Variants in MCF2 observed in about 807,000 individuals in gnomAD.
MCF2 encodes the protein MCF.2 cell line derived transforming sequence, also known as proto-oncogene DBL.
MCF2 carries 44 observed loss-of-function variants against 82.5 expected under a neutral mutation model. The observed-to-expected ratio is 0.53, with a 90% CI of 0.42 to 0.69. The LOEUF (loss-of-function observed/expected upper bound fraction) is 0.69. MCF2 is among the 30% of genes least tolerant of loss of function. The pLI is 0.00. For synonymous variants in MCF2, 217 were observed against 224.9 expected (o/e 0.96, Z 0.32); for missense variants, 623 against 663.1 (o/e 0.94, Z 0.66).
At chrX:139,645,612 A>G (rs373459275), upstream of MCF2, 11 of 1,202,788 alleles carry the variant, frequency 9.1e-6, no homozygotes, top group East Asian at 3.0e-4. Flanking sequence ...CATGTATCCA[A>G]TCTTCGATCC....
intron 17 of MCF2, 24 bp from the exon 22 acceptor site, chrX:139,597,609 A>G: frequency 9.1e-7 from 1 of 1,104,301 alleles, no homozygotes; most frequent in Non-Finnish European, 1.2e-6. Context: ...TCAGGAATTA[A>G]TATTAGGCAG....
At chrX:139,602,613 C>T (rs886703013) in intron 15 of MCF2, 115 bp from the exon 20 acceptor site, 13 of 491,010 alleles carry the variant, frequency 2.6e-5, no homozygotes, top group African/African-American at 1.7e-4. Context: ...CCTAAAGGGC[C>T]TACTGTACTA....
intron 1 of MCF2, among the ~76,000 whole-genome samples, chrX:139,688,230 A>G (rs1458663198): frequency 8.9e-6 from 1 of 111,972 alleles, no homozygotes; most frequent in Non-Finnish European, 1.9e-5. Flanking sequence ...AATACAGCAC[A>G]TTGAAAGAAC....
At chrX:139,651,888 G>A (rs1466639862) in intron 1 of MCF2, 100 bp from the exon 2 acceptor site, 9 of 502,037 alleles carry the variant, frequency 1.8e-5, no homozygotes, top group Non-Finnish European at 2.7e-5. Flanking sequence ...ATTATTCTGG[G>A]AGCCCCACAG....
chrX:139,593,866 C>A (rs1929772659), intron 19 of MCF2, among the ~76,000 whole-genome samples: 2 of 111,103 alleles, frequency 1.8e-5, no homozygotes, highest in Admixed American at 1.9e-4. Context: ...TGATAAGCAA[C>A]TTCAGCAAAG....
chrX:139,657,265 T>C (rs771402401), intron 1 of MCF2, among the ~76,000 whole-genome samples: 71 of 112,588 alleles, frequency 6.3e-4, no homozygotes, highest in Non-Finnish European at 1.0e-3. Context: ...ACATCACTAA[T>C]ATTTATTTTA....
intron 1 of MCF2, among the ~76,000 whole-genome samples, chrX:139,686,859 A>C (rs766191044): frequency 9.0e-6 from 1 of 111,228 alleles, no homozygotes; most frequent in East Asian, 2.8e-4. Flanking sequence ...TCTTTGTCTG[A>C]CCTTAATCCT....
intron 19 of MCF2, among the ~76,000 whole-genome samples, chrX:139,590,549 CT>C (rs1929421096): frequency 9.2e-6 from 1 of 108,562 alleles, no homozygotes; most frequent in African/African-American, 3.4e-5. Flanking sequence ...CACAATATCT[CT>C]TCCTTATTCC....
At chrX:139,643,763 C>T (rs1933692711), upstream of MCF2, among the ~76,000 whole-genome samples, 1 of 111,070 alleles carries the variant, frequency 9.0e-6, no homozygotes, top group Non-Finnish European at 1.9e-5. Flanking sequence ...ATGACAGGAT[C>T]ATGACCTAAT....
In MCF2 at chrX:139,589,833, A is replaced by G. The variant is rs1243181328; in HGVS notation, c.2370+2T>C. 8.5e-7 allele frequency: 1 copy of G among 1,179,062 alleles called. No individual in the cohort carries two copies. The highest frequency in any genetic ancestry group is 1.8e-5 in the African/African-American group (1 of 56,035). On this transcript the variant is annotated splice_donor_variant, in intron 20 of 24. Transcript: ENST00000370576. LOFTEE classifies it high-confidence loss of function. ...TTCTAGAAGAATTTTCAAATGACCA[A>G]CCTGGACAATATAAACTTCTTCCTT...
intron 1 of MCF2, among the ~76,000 whole-genome samples, chrX:139,669,476 T>C (rs1934619580): frequency 8.9e-6 from 1 of 112,537 alleles, no homozygotes; most frequent in African/African-American, 3.2e-5. Context: ...CCCTACGGAA[T>C]AGAGTTTTGC....
Position 139,659,585 on chromosome X carries a change from T to C in MCF2, c.-44-7797A>G, listed in dbSNP as rs1388827027. 4.5e-5 allele frequency among the ~76,000 whole-genome samples: 5 copies of C among 111,813 alleles called. No homozygotes were observed. The Admixed American group carries it at 4.7e-4, about 11-fold the overall frequency. On this transcript the variant is annotated intron_variant, in intron 1 of 27. Transcript: ENST00000414978. ...CCATTTATCCAACCTCTCTGGGGTT[T>C]CTATTCATATACAATAGAAAAATAT...
chrX:139,688,018 A>G (rs1025675699), intron 1 of MCF2, among the ~76,000 whole-genome samples: 3 of 111,806 alleles, frequency 2.7e-5, no homozygotes, highest in Non-Finnish European at 3.8e-5. Flanking sequence ...AGGAGGGGGC[A>G]TGGAGGATTA....
intron 15 of MCF2, among the ~76,000 whole-genome samples, chrX:139,603,578 G>A (rs1273300640): frequency 8.9e-6 from 1 of 112,539 alleles, no homozygotes; most frequent in Non-Finnish European, 1.9e-5. Context: ...GCTCACGCCT[G>A]TAATCCCAAC....
chrX:139,648,581 T>C (rs1933887089), intron 2 of MCF2, among the ~76,000 whole-genome samples: 1 of 111,573 alleles, frequency 9.0e-6, no homozygotes, highest in African/African-American at 3.3e-5. Flanking sequence ...ACATAAAATG[T>C]CAATGATCTA....
At chrX:139,616,495 A>G (rs1931914970) in intron 8 of MCF2, 22 bp from the exon 12 acceptor site, 4 of 650,824 alleles carry the variant, frequency 6.1e-6, no homozygotes, top group East Asian at 4.1e-5. Flanking sequence ...ATCAAGAAGA[A>G]AAAAAAAAAA....
At chrX:139,616,370 T>A in exon 9 of MCF2, 1 of 1,181,081 alleles carries the variant, frequency 8.5e-7, no homozygotes. Flanking sequence ...TTCAAGAAAA[T>A]TTTCAATGTC....
chrX:139,620,481 AG>A, intron 6 of MCF2, among the ~76,000 whole-genome samples: 1 of 111,492 alleles, frequency 9.0e-6, no homozygotes, highest in Middle Eastern at 4.6e-3. Context: ...GACTACCAAA[AG>A]GCTCCTAGAA....
chrX:139,705,174 G>A (rs942016593), intron 1 of MCF2, among the ~76,000 whole-genome samples: 2 of 111,541 alleles, frequency 1.8e-5, no homozygotes, highest in Non-Finnish European at 3.8e-5. Context: ...TCAGCCAGGC[G>A]TGGTGGCGGG....
Sources: allele counts gnomAD v4.1 joint callset (sites outside exome capture counted in the v4.1 genomes callset), GRCh38; gene constraint gnomAD v4.1.1; transcripts MANE v1.5; gene names NCBI Gene and HGNC (gene_info 2026-07-23, HGNC 2026-07-21).